Variants in PCDHGA6 observed in about 807,000 individuals in gnomAD.
The protein encoded by PCDHGA6 is protocadherin gamma subfamily A, 6.
Under a neutral mutation model 60.6 loss-of-function variants are expected in PCDHGA6, and 41 were observed. The observed-to-expected ratio is 0.68, with a 90% CI of 0.53 to 0.88. PCDHGA6 has a LOEUF of 0.88. Ranked by LOEUF, PCDHGA6 falls within the 40% of genes least tolerant of loss-of-function variation. The probability of loss-of-function intolerance (pLI) is 0.00; values close to 1 mark genes in which losing one functional copy is unlikely to be tolerated. For synonymous variants in PCDHGA6, 594 were observed against 524.4 expected (o/e 1.13, Z -1.81); for missense variants, 1,312 against 1,203.0 (o/e 1.09, Z -1.34).
intron 1 of PCDHGA6, chr5:141,387,894 G>C: frequency 1.9e-6 from 3 of 1,540,604 alleles, no homozygotes; most frequent in Non-Finnish European, 8.7e-7. Context: ...GATGGGGAGC[G>C]GCGCCGGGGA....
chr5:141,428,223 A>C (rs539110667), intron 1 of PCDHGA6: 30 of 1,169,680 alleles, frequency 2.6e-5, no homozygotes, highest in Admixed American at 2.5e-4. Flanking sequence ...TAGTCTTCGC[A>C]GACAGCCTGC....
intron 1 of PCDHGA6, chr5:141,419,499 G>A: frequency 6.2e-7 from 1 of 1,612,368 alleles, no homozygotes; most frequent in Non-Finnish European, 8.5e-7. Context: ...GCCAATGTGA[G>A]CCTGCGCGTG....
intron 1 of PCDHGA6, chr5:141,478,798 T>G: frequency 6.8e-7 from 1 of 1,463,780 alleles, no homozygotes. Flanking sequence ...TCCTCAGCAC[T>G]CTTTTGCTAT....
chr5:141,374,840 GA>G lies in PCDHGA6; in HGVS notation c.761del (p.Asn254ThrfsTer4). Reference protein sequence around the residue: ...TQPVYRVSVPENLPVGTPVLA... With the variant: ...TQPVYRVSVPXNLPVGTPVLA... ...GCCTGTCTACCGTGTAAGTGTTCCT[GA>G]AAACCTGCCAGTAGGCACACCAGTG... On this transcript the variant is annotated frameshift_variant, in exon 1 of 4. Coordinates refer to ENST00000517434, the MANE Select transcript of PCDHGA6 (RefSeq NM_018919.3). LOFTEE classifies it high-confidence loss of function. The G allele has an allele frequency of 6.2e-7, 1 of 1,613,796 alleles. No homozygotes were observed. Among genetic ancestry groups the G allele is most frequent in the Non-Finnish European group, 8.5e-7 (1 of 1,179,884 alleles).
chr5:141,435,108 G>A lies in PCDHGA6; in HGVS notation c.2424+58601G>A, dbSNP rs1027955145. ...AACTGATCTGTTTATCTAGGGGGGA[G>A]AAATCTAATTCAATGGAAAATATAA... On this transcript the variant is annotated intron_variant, in intron 1 of 3. Transcript: ENST00000517434. Among the ~76,000 whole-genome samples, 3 of 152,144 alleles carry A rather than the reference G, an allele frequency of 2.0e-5. No homozygotes were observed. In the South Asian group the frequency reaches 6.2e-4, roughly 32 times the overall value.
intron 1 of PCDHGA6, chr5:141,382,817 A>G (rs1778464992): frequency 3.9e-6 from 5 of 1,269,918 alleles, no homozygotes; most frequent in Non-Finnish European, 4.4e-6. Flanking sequence ...TCCCCTTCCT[A>G]AGACAGAGGG....
At chr5:141,444,059 T>C (rs2098415588) in intron 1 of PCDHGA6, among the ~76,000 whole-genome samples, 1 of 150,620 alleles carries the variant, frequency 6.6e-6, no homozygotes, top group Admixed American at 6.6e-5. Flanking sequence ...ATCTTCAATC[T>C]AGATTCTGAT....
rs146574799 is a variant in PCDHGA6, at chr5:141,487,337, G to A, written c.2425-7470G>A. The A allele has an allele frequency of 1.4e-5, 23 of 1,614,054 alleles. No individual in the cohort carries two copies. The highest frequency in any genetic ancestry group is 3.3e-5 in the Admixed American group (2 of 60,002). The stretch of plus-strand genomic sequence containing the variant: ...TAAGTGTCTTCGTGGGGCAGCCTGT[G>A]GAGTCACATGCTTTCCTGCTGGCAC... On this transcript the variant is annotated intron_variant, in intron 1 of 3. Coordinates refer to ENST00000517434, the MANE Select transcript of PCDHGA6 (RefSeq NM_018919.3). The surrounding 1 kb of genome is among the most constrained non-coding windows in gnomAD (Gnocchi z 5.0).
At chr5:141,404,479 A>C in intron 1 of PCDHGA6, 1 of 1,613,750 alleles carries the variant, frequency 6.2e-7, no homozygotes, top group South Asian at 1.1e-5. Context: ...CTATTAACTC[A>C]GACACTGGTG....
At chr5:141,422,287 A>G in intron 1 of PCDHGA6, 3 of 1,553,500 alleles carry the variant, frequency 1.9e-6, no homozygotes, top group South Asian at 1.3e-5. Context: ...CACCTCTTCT[A>G]TTAATTCAAT....
chr5:141,430,235 G>T (rs1020445956), intron 1 of PCDHGA6, among the ~76,000 whole-genome samples: 3 of 128,670 alleles, frequency 2.3e-5, no homozygotes, highest in Non-Finnish European at 4.7e-5. Context: ...GTCAAAAAGA[G>T]AAACTCCTAG....
Position 141,511,590 on chromosome 5 carries a change from A to C in PCDHGA6, c.*417A>C, listed in dbSNP as rs2099883868. On this transcript the variant is annotated 3_prime_UTR_variant, in exon 4 of 4. Transcript: ENST00000517434. ...AGTAAGGTGGTTGGGGTGTTGAAGT[A>C]CCAAGTAACCTACAAGCCTCCTAGT... The C allele has an allele frequency of 3.7e-6, 1 of 267,790 alleles. No homozygotes were observed. Among genetic ancestry groups the C allele is most frequent in the Admixed American group, 4.8e-5 (1 of 20,946 alleles). The allele number at this position is 267,790 out of a possible 1,614,324, so 16.6% of individuals were successfully genotyped here.
At chr5:141,380,434 T>A (rs919623948) in intron 1 of PCDHGA6, among the ~76,000 whole-genome samples, 38 of 152,208 alleles carry the variant, frequency 2.5e-4, no homozygotes, top group African/African-American at 8.7e-4. Flanking sequence ...AGACTTTACA[T>A]AGAATTCTTT....
chr5:141,478,599 T>A, intron 1 of PCDHGA6: 1 of 1,565,814 alleles, frequency 6.4e-7, no homozygotes, highest in Non-Finnish European at 8.7e-7. Flanking sequence ...TATTCCTACA[T>A]CATATTGAGG....
chr5:141,490,652 C>A lies in PCDHGA6; in HGVS notation c.2425-4155C>A. ...ATCCTAGAAAACCGGCCTCCGGGCT[C>A]CCTTCTTTGCACTGTGGCTGCCTCA... On this transcript the variant is annotated intron_variant, in intron 1 of 3. Transcript: ENST00000517434. The surrounding 1 kb of genome is among the most constrained non-coding windows in gnomAD (Gnocchi z 5.4). 6.2e-7 allele frequency: 1 copy of A among 1,614,208 alleles called. No individual in the cohort carries two copies. Among genetic ancestry groups the A allele is most frequent in the Non-Finnish European group, 8.5e-7 (1 of 1,180,026 alleles).
At position 141,491,023 on chromosome 5, in the gene PCDHGA6, G is replaced by A. The variant is rs773185039; in HGVS notation, c.2425-3784G>A. 17 of 1,613,990 alleles carry A rather than the reference G, an allele frequency of 1.1e-5. No individual in the cohort carries two copies. Among genetic ancestry groups the A allele is most frequent in the Admixed American group, 5.0e-5 (3 of 60,008 alleles). ...CTCCTTGGTCACCAAGGTGACAGCC[G>A]TGGATGCTGATGCAGGCCACAATGC... On this transcript the variant is annotated intron_variant, in intron 1 of 3. Coordinates refer to ENST00000517434, the MANE Select transcript of PCDHGA6 (RefSeq NM_018919.3). The surrounding 1 kb of genome is among the most constrained non-coding windows in gnomAD (Gnocchi z 6.9).
chr5:141,423,026 G>T (rs1333695085), intron 1 of PCDHGA6: 1 of 1,614,210 alleles, frequency 6.2e-7, no homozygotes, highest in Admixed American at 1.7e-5. Context: ...AAAGATTCAG[G>T]CCAGAACGCC....
In PCDHGA6 at chr5:141,487,414, T is replaced by C; in HGVS notation, c.2425-7393T>C. On this transcript the variant is annotated intron_variant, in intron 1 of 3. Coordinates refer to ENST00000517434, the MANE Select transcript of PCDHGA6 (RefSeq NM_018919.3). This position sits in a 1 kb window ranked among gnomAD's most constrained non-coding sequence, Gnocchi z 5.0. The stretch of plus-strand genomic sequence containing the variant: ...GGAGGGAGGGGCTTCCCCCTTCCAA[T>C]GGGATCCTCCGAATCCAGCTAGGGT... 3.7e-6 allele frequency: 6 copies of C among 1,614,174 alleles called. No individual in the cohort carries two copies. The highest frequency in any genetic ancestry group is 5.1e-6 in the Non-Finnish European group (6 of 1,180,006).
At chr5:141,473,988 G>T (rs1006988447) in intron 1 of PCDHGA6, among the ~76,000 whole-genome samples, 2 of 152,118 alleles carry the variant, frequency 1.3e-5, no homozygotes, top group Middle Eastern at 3.2e-3. Context: ...AGGATCCCTT[G>T]AGCCCAAGGA....
Sources: gnomAD v4.1 joint callset for allele counts (sites outside exome capture counted in the v4.1 genomes callset) on GRCh38, gnomAD v4.1.1 for gene constraint, Gnocchi (gnomAD v3.1) non-coding constraint, MANE v1.5 for transcripts, NCBI Gene and HGNC (gene_info 2026-07-23, HGNC 2026-07-21) for gene names.